NCK2: variants seen among roughly 807,000 people sequenced by gnomAD.
NCK2 encodes the protein cytoplasmic protein NCK2.
In NCK2, 16 loss-of-function variants were observed where a neutral mutation model predicts 33.9. That is an observed-to-expected ratio of 0.47 (90% CI 0.32 to 0.72). The LOEUF is 0.72. NCK2 is among the 30% of genes least tolerant of loss of function. The pLI, the probability that NCK2 is intolerant of heterozygous loss-of-function variation, is 0.03. For missense variants in NCK2, 418 were observed against 537.3 expected (o/e 0.78, Z 2.19); for synonymous variants, 273 against 239.9 (o/e 1.14, Z -1.27).
chr2:105,774,045 G>A (rs1191964245), intron 1 of NCK2, among the ~76,000 whole-genome samples: 3 of 141,596 alleles, frequency 2.1e-5, no homozygotes, highest in Non-Finnish European at 4.5e-5. Flanking sequence ...GTCTCGCCCT[G>A]TTGCCCAGGC....
At chr2:105,828,607 C>G (rs1676046566) in intron 2 of NCK2, among the ~76,000 whole-genome samples, 1 of 152,192 alleles carries the variant, frequency 6.6e-6, no homozygotes, top group Non-Finnish European at 1.5e-5. Flanking sequence ...AAATGAAATA[C>G]CTATTTTCAT....
chr2:105,814,965 G>C (rs1430885916), intron 1 of NCK2, among the ~76,000 whole-genome samples: 1 of 152,202 alleles, frequency 6.6e-6, no homozygotes, highest in Non-Finnish European at 1.5e-5. Context: ...GACACATACA[G>C]AGGTGGTGTT....
chr2:105,753,605 C>A lies in NCK2; in HGVS notation c.-201+8467C>A, dbSNP rs573418419. The stretch of plus-strand genomic sequence containing the variant: ...GGTGGGTCCCCACCCTTGTCTCCTC[C>A]ACACTGGGGGCTGAGAAAACAGGAG... On this transcript the variant is annotated intron_variant, in intron 1 of 4. Transcript: ENST00000233154. Among the ~76,000 whole-genome samples, 9 of 152,338 alleles carry A rather than the reference C, an allele frequency of 5.9e-5. No homozygotes were observed. In the East Asian group the frequency reaches 1.5e-3, roughly 26 times the overall value.
intron 2 of NCK2, among the ~76,000 whole-genome samples, chr2:105,821,717 C>T (rs557620960): frequency 5.3e-5 from 8 of 151,928 alleles, no homozygotes; most frequent in African/African-American, 9.7e-5. Context: ...TATCTCTAGT[C>T]GCAAATGCAG....
chr2:105,753,734 T>C (rs1184154632), intron 1 of NCK2, among the ~76,000 whole-genome samples: 1 of 152,238 alleles, frequency 6.6e-6, no homozygotes, highest in Non-Finnish European at 1.5e-5. Flanking sequence ...AATGAGTTGC[T>C]GTTGTTGAAG....
chr2:105,835,393 A>ATATGTATATATATATATATATGTGTG (rs1553458580), intron 2 of NCK2, among the ~76,000 whole-genome samples: 3 of 51,672 alleles, frequency 5.8e-5, no homozygotes, highest in African/African-American at 2.1e-4. Flanking sequence ...ATACACATAT[A>ATATGTATATATATATATATATGTGTG]TATATATATA....
At chr2:105,763,744 C>G (rs3769486) in intron 1 of NCK2, among the ~76,000 whole-genome samples, 51,172 of 151,974 alleles carry the variant, frequency 0.34, 9,737 homozygotes, top group East Asian at 0.46. Flanking sequence ...TGATTCTCAG[C>G]CGTGTTGTGG....
chr2:105,865,489 A>G (rs1025542767), intron 3 of NCK2, among the ~76,000 whole-genome samples: 2 of 152,138 alleles, frequency 1.3e-5, no homozygotes, highest in African/African-American at 2.4e-5. Context: ...CCTGCTAGGC[A>G]TCAATACTGG....
At chr2:105,811,252 A>G (rs1328017400) in intron 1 of NCK2, among the ~76,000 whole-genome samples, 1 of 152,012 alleles carries the variant, frequency 6.6e-6, no homozygotes, top group Non-Finnish European at 1.5e-5. Context: ...ATTTTTGATA[A>G]TGTCCATTCC....
chr2:105,875,202 C>T (rs2104641963), intron 3 of NCK2, among the ~76,000 whole-genome samples: 1 of 152,336 alleles, frequency 6.6e-6, no homozygotes, highest in African/African-American at 2.4e-5. Flanking sequence ...GCCCTCCAAC[C>T]TGGCTGCTGA....
chr2:105,855,339 C>G, intron 3 of NCK2, 50 bp downstream of exon 3: 1 of 1,363,800 alleles, frequency 7.3e-7, no homozygotes, highest in South Asian at 1.4e-5. Context: ...TCAAGGGACA[C>G]TGTTCGTCTT....
intron 2 of NCK2, among the ~76,000 whole-genome samples, chr2:105,852,769 A>G (rs1338382377): frequency 6.6e-6 from 1 of 152,178 alleles, no homozygotes; most frequent in Non-Finnish European, 1.5e-5. Flanking sequence ...TATGACTTTC[A>G]AAAGTCTAAT....
At chr2:105,836,892 G>A (rs1213646532) in intron 2 of NCK2, among the ~76,000 whole-genome samples, 4 of 152,154 alleles carry the variant, frequency 2.6e-5, no homozygotes, top group Non-Finnish European at 5.9e-5. Context: ...CAGCATGAAT[G>A]GTCTTTCTAG....
chr2:105,762,249 A>C (rs975105509), intron 1 of NCK2, among the ~76,000 whole-genome samples: 4 of 152,200 alleles, frequency 2.6e-5, no homozygotes, highest in African/African-American at 9.7e-5. Flanking sequence ...AAGTTGAAAG[A>C]GGCCTTGCCG....
chr2:105,767,775 C>T (rs999873447), intron 1 of NCK2, among the ~76,000 whole-genome samples: 11 of 152,148 alleles, frequency 7.2e-5, no homozygotes, highest in African/African-American at 7.2e-5. Flanking sequence ...TTTCCGTGCC[C>T]GCACCTGGGA....
intron 4 of NCK2, among the ~76,000 whole-genome samples, chr2:105,890,223 C>T (rs1259458455): frequency 6.6e-6 from 1 of 152,120 alleles, no homozygotes; most frequent in East Asian, 1.9e-4. Context: ...GCAACTCATG[C>T]ATGCATACAG....
intron 1 of NCK2, among the ~76,000 whole-genome samples, chr2:105,788,753 G>A (rs759231349): frequency 2.0e-5 from 3 of 151,522 alleles, no homozygotes; most frequent in African/African-American, 2.4e-5. Context: ...TCCTTCATTC[G>A]TTTTCTTCAT....
intron 1 of NCK2, among the ~76,000 whole-genome samples, chr2:105,771,168 T>TGCCTTG (rs1437639309): frequency 6.6e-6 from 1 of 151,978 alleles, no homozygotes; most frequent in Admixed American, 6.6e-5. Context: ...GTGATCCGCC[T>TGCCTTG]GCCTTGGCCT....
chr2:105,775,473 A>G (rs1690269765), intron 1 of NCK2, among the ~76,000 whole-genome samples: 1 of 151,986 alleles, frequency 6.6e-6, no homozygotes, highest in Admixed American at 6.5e-5. Flanking sequence ...GAACTTAATC[A>G]TTTTTCCTCT....
Sources: allele counts gnomAD v4.1 joint callset (sites outside exome capture counted in the v4.1 genomes callset), GRCh38; gene constraint gnomAD v4.1.1; transcripts MANE v1.5; gene names NCBI Gene and HGNC (gene_info 2026-07-23, HGNC 2026-07-21).